The following SCAMP1 variants were observed in gnomAD, a reference collection of about 807,000 sequenced individuals.
The protein encoded by SCAMP1 is secretory carrier-associated membrane protein 1.
A neutral mutation model predicts 41.8 loss-of-function variants in SCAMP1; 15 were observed. The ratio of observed to expected loss-of-function variants is 0.36; its 90% CI spans 0.24 to 0.55. The LOEUF is 0.55. Among genes scored for constraint, SCAMP1 ranks in the 20% least tolerant of loss-of-function variants. The pLI is 0.86. For synonymous variants in SCAMP1, 135 were observed against 136.8 expected, an observed-to-expected ratio of 0.99 and a Z score of 0.09; for missense variants, 341 against 412.6, an observed-to-expected ratio of 0.83 and a Z score of 1.50.
chr5:78,391,353 C>T (rs1313992183), intron 2 of SCAMP1, among the ~76,000 whole-genome samples: 19 of 148,692 alleles, frequency 1.3e-4, no homozygotes, highest in African/African-American at 4.3e-4. Flanking sequence ...CCAGTAGGGG[C>T]GGCCGGGCAG....
intron 2 of SCAMP1, among the ~76,000 whole-genome samples, chr5:78,414,218 GA>G (rs1196197852): frequency 6.6e-6 from 1 of 151,144 alleles, no homozygotes; most frequent in Non-Finnish European, 1.5e-5. Context: ...TGTGTCTGTT[GA>G]AAAAAAGGTC....
chr5:78,446,108 G>A (rs1753046197), intron 6 of SCAMP1, among the ~76,000 whole-genome samples: 2 of 152,140 alleles, frequency 1.3e-5, no homozygotes, highest in Non-Finnish European at 2.9e-5. Context: ...CTAGACAAAA[G>A]TAAACTTTGA....
intron 6 of SCAMP1, among the ~76,000 whole-genome samples, chr5:78,424,543 A>G (rs1752419234): frequency 1.3e-5 from 2 of 152,144 alleles, no homozygotes. Context: ...CAGCCTGGCC[A>G]ACATGGTGAA....
At chr5:78,458,666 G>T (rs566727915) in intron 7 of SCAMP1, among the ~76,000 whole-genome samples, 4 of 152,308 alleles carry the variant, frequency 2.6e-5, no homozygotes, top group Non-Finnish European at 4.4e-5. Flanking sequence ...TGGATCACGA[G>T]GTCAGGAGTT....
chr5:78,460,823 T>G (rs1030428641), intron 8 of SCAMP1, among the ~76,000 whole-genome samples: 1 of 48,206 alleles, frequency 2.1e-5, no homozygotes, highest in African/African-American at 6.7e-5. Flanking sequence ...CTTCCTTCCT[T>G]TCTTGTCTTT....
At chr5:78,463,172 C>T (rs1753660437) in intron 8 of SCAMP1, among the ~76,000 whole-genome samples, 1 of 152,224 alleles carries the variant, frequency 6.6e-6, no homozygotes, top group Non-Finnish European at 1.5e-5. Context: ...CATTGACACT[C>T]AGCTCTCTAA....
chr5:78,361,047 C>T, intron 1 of SCAMP1: 1 of 277,154 alleles, frequency 3.6e-6, no homozygotes, highest in Non-Finnish European at 6.9e-6. Context: ...GGAGAGAAAG[C>T]CGAGGGCAGG....
chr5:78,456,723 C>T (rs1280353396), intron 7 of SCAMP1, among the ~76,000 whole-genome samples: 8 of 149,918 alleles, frequency 5.3e-5, no homozygotes, highest in South Asian at 4.2e-4. Flanking sequence ...TGAATCTGAG[C>T]GTTGGCCTGC....
At chr5:78,467,762 T>C (rs888113187) in intron 8 of SCAMP1, among the ~76,000 whole-genome samples, 1 of 152,368 alleles carries the variant, frequency 6.6e-6, no homozygotes, top group South Asian at 2.1e-4. Context: ...AGCTAAAATA[T>C]AATTTGCACC....
intron 1 of SCAMP1, among the ~76,000 whole-genome samples, chr5:78,373,617 C>T (rs1338707144): frequency 6.6e-6 from 1 of 152,042 alleles, no homozygotes; most frequent in Non-Finnish European, 1.5e-5. Flanking sequence ...GGTTTCTTGC[C>T]ACTGCTCTAT....
rs554331075 is a variant in SCAMP1 at position 78,393,000 on chromosome 5, A to G, written c.135+4086A>G. On this transcript the variant is annotated intron_variant, in intron 2 of 8. Coordinates refer to ENST00000621999, the MANE Select transcript of SCAMP1 (RefSeq NM_004866.6). ...GGATATGGTGAGCTACTTGAGGTCA[A>G]GAAGGAAGATCTTCTAGCAGAATGC... is the stretch of plus-strand genomic sequence containing the variant. 3.3e-5 allele frequency among the ~76,000 whole-genome samples: 5 copies of G among 152,346 alleles called. No individual in the cohort carries two copies. The East Asian group carries it at 9.6e-4, about 29-fold the overall frequency.
At chr5:78,441,343 C>T (rs746303621) in intron 6 of SCAMP1, among the ~76,000 whole-genome samples, 1 of 152,156 alleles carries the variant, frequency 6.6e-6, no homozygotes, top group Non-Finnish European at 1.5e-5. Flanking sequence ...AAACGGATCA[C>T]TATAAAGTTT....
At chr5:78,362,741 C>T (rs892371637) in intron 1 of SCAMP1, among the ~76,000 whole-genome samples, 2 of 152,132 alleles carry the variant, frequency 1.3e-5, no homozygotes, top group Non-Finnish European at 2.9e-5. Context: ...CCCTCCTCCT[C>T]ACAAAGTATA....
At chr5:78,470,089 C>G (rs1366543101) in intron 8 of SCAMP1, among the ~76,000 whole-genome samples, 1 of 147,538 alleles carries the variant, frequency 6.8e-6, no homozygotes, top group African/African-American at 2.5e-5. Context: ...GAGACCTTGT[C>G]TCTAAAAAAT....
chr5:78,459,084 A>G (rs1372376936), intron 7 of SCAMP1, among the ~76,000 whole-genome samples, 161 bp from the exon 8 acceptor site: 2 of 152,234 alleles, frequency 1.3e-5, no homozygotes, highest in African/African-American at 2.4e-5. Flanking sequence ...TTAAAACAGC[A>G]TCTATCCTAT....
chr5:78,471,754 C>T (rs17193552), intron 8 of SCAMP1, among the ~76,000 whole-genome samples: 68,639 of 151,936 alleles, frequency 0.45, 16,285 homozygotes, highest in Non-Finnish European at 0.5. Context: ...TGTGACACTT[C>T]GGCAGATACT....
chr5:78,460,742 C>CTCCTTCCTTCCTTCCGTCCGTCCCTTCCT (rs1753565947), intron 8 of SCAMP1, among the ~76,000 whole-genome samples: 1 of 84,948 alleles, frequency 1.2e-5, no homozygotes, highest in African/African-American at 3.5e-5. Context: ...GGTTTCTTTT[C>CTCCTTCCTTCCTTCCGTCCGTCCCTTCCT]TCCTTCCTTC....
intron 1 of SCAMP1, among the ~76,000 whole-genome samples, chr5:78,386,966 T>G (rs1039632710): frequency 6.6e-6 from 1 of 152,200 alleles, no homozygotes; most frequent in Non-Finnish European, 1.5e-5. Flanking sequence ...ATTTCTCAGG[T>G]GTTTTTTGAG....
chr5:78,455,517 G>C (rs1205300755), intron 7 of SCAMP1, among the ~76,000 whole-genome samples: 1 of 128,994 alleles, frequency 7.8e-6, no homozygotes, highest in African/African-American at 3.1e-5. Flanking sequence ...TTAATCCTGA[G>C]TTCTAGTTTG....
Sources: gnomAD v4.1 joint callset for allele counts (sites outside exome capture counted in the v4.1 genomes callset) on GRCh38, gnomAD v4.1.1 for gene constraint, MANE v1.5 for transcripts, NCBI Gene and HGNC (gene_info 2026-07-23, HGNC 2026-07-21) for gene names.